The following TLE4 variants were observed in gnomAD, a reference collection of about 807,000 sequenced individuals.
TLE4 encodes TLE family member 4, transcriptional corepressor.
Under a neutral mutation model 92.8 loss-of-function variants are expected in TLE4, and 8 were observed. The observed-to-expected ratio is 0.09, with a 90% CI of 0.05 to 0.16. TLE4 has a LOEUF of 0.16. Among genes scored for constraint, TLE4 ranks in the 10% least tolerant of loss-of-function variants. The probability of loss-of-function intolerance (pLI) is 1.00; values close to 1 mark genes in which losing one functional copy is unlikely to be tolerated. For synonymous variants in TLE4, 371 were observed against 374.1 expected (o/e 0.99, Z 0.10); for missense variants, 675 against 997.6 (o/e 0.68, Z 4.36).
Position 79,572,744 on chromosome 9 carries a change from A to C in TLE4, c.-47A>C. On this transcript the variant is annotated 5_prime_UTR_variant, in exon 1 of 20. Coordinates refer to ENST00000376552, the MANE Select transcript of TLE4 (RefSeq NM_007005.6). ...CCTCCTCTTCGGGGTCATTAAAGCC[A>C]ATGAGCCGCGCGCCTCTGCCGAGCG... The C allele has an allele frequency of 6.3e-7, 1 of 1,586,422 alleles. No individual in the cohort carries two copies. The highest frequency in any genetic ancestry group is 8.6e-7 in the Non-Finnish European group (1 of 1,167,100).
intron 4 of TLE4, among the ~76,000 whole-genome samples, chr9:79,607,554 G>A (rs542126265): frequency 6.6e-6 from 1 of 152,128 alleles, no homozygotes; most frequent in African/African-American, 2.4e-5. Flanking sequence ...TTTATGTAAG[G>A]TGTAAGGAAG....
chr9:79,576,502 A>G (rs1395958742), intron 4 of TLE4: 1 of 182,952 alleles, frequency 5.5e-6, no homozygotes, highest in Non-Finnish European at 1.1e-5. Context: ...GGCATTGCAA[A>G]CTTGTCTTGT....
chr9:79,573,695 C>A lies in TLE4; in HGVS notation c.52C>A (p.His18Asn). ...TTTTATTGTTGTTCTTCAGGCACCGCATCAGCCTGCTCAACCCTTTAAATT... is the reference window on the plus strand; with the variant it reads ...TTTTATTGTTGTTCTTCAGGCACCGAATCAGCCTGCTCAACCCTTTAAATT... Reference protein sequence around the residue: ...MYPQTRHPAPHQPAQPFKFTI... With the variant: ...MYPQTRHPAPNQPAQPFKFTI... The change falls in exon 2 of 20, where the codon CAT becomes AAT. Residue 18 changes from histidine (H) to asparagine (N), a missense_variant. Coordinates refer to ENST00000376552, the MANE Select transcript of TLE4 (RefSeq NM_007005.6). 6.2e-7 allele frequency: 1 copy of A among 1,600,870 alleles called. No homozygotes were observed.
At chr9:79,671,244 A>G (rs1475233162) in intron 8 of TLE4, 1 of 456,476 alleles carries the variant, frequency 2.2e-6, no homozygotes, top group Admixed American at 2.3e-5. Context: ...ATGAAATTGG[A>G]GACCAAAGAG....
At chr9:79,617,622 G>T (rs184033012) in intron 5 of TLE4, among the ~76,000 whole-genome samples, 44 of 152,310 alleles carry the variant, frequency 2.9e-4, no homozygotes, top group African/African-American at 9.9e-4. Context: ...CTGGAGGTCA[G>T]CCAGACCCAG....
intron 4 of TLE4, chr9:79,601,324 G>A: frequency 4.4e-6 from 2 of 450,468 alleles, no homozygotes; most frequent in South Asian, 3.1e-5. Flanking sequence ...CAAGTTTTCT[G>A]GATAGATATT....
intron 19 of TLE4, among the ~76,000 whole-genome samples, 188 bp from the exon 20 acceptor site, chr9:79,724,849 T>TAAAAAAA (rs947971071): frequency 0.014 from 355 of 25,938 alleles, 130 homozygotes; most frequent in East Asian, 0.022. Context: ...CCTGTCTTAT[T>TAAAAAAA]AAAAAAAAAA....
intron 4 of TLE4, among the ~76,000 whole-genome samples, chr9:79,598,075 G>GAA (rs748860967): frequency 9.3e-4 from 61 of 65,746 alleles, no homozygotes; most frequent in African/African-American, 2.4e-3. Context: ...TACTGAAAAA[G>GAA]AAAAAAAAAA....
intron 8 of TLE4, among the ~76,000 whole-genome samples, chr9:79,670,120 G>A (rs996941545): frequency 6.6e-6 from 1 of 151,804 alleles, no homozygotes; most frequent in Non-Finnish European, 1.5e-5. Flanking sequence ...TAGGGAAATC[G>A]TGCAAGTAGA....
chr9:79,616,117 C>A (rs543455709), intron 5 of TLE4, among the ~76,000 whole-genome samples: 1 of 152,248 alleles, frequency 6.6e-6, no homozygotes, highest in South Asian at 2.1e-4. Flanking sequence ...TCTTTTCTTT[C>A]CCTATTTCGG....
Position 79,720,089 on chromosome 9 carries a change from G to A in TLE4, c.1634G>A (p.Gly545Asp), listed in dbSNP as rs1437352011. ...CGTTCCTGCAGATTGCTCCCTGATG[G>A]TCGCACCCTAATTGTTGGAGGGGAA... Reference protein sequence around the residue: ...YIRSCRLLPDGRTLIVGGEAS... With the variant: ...YIRSCRLLPDDRTLIVGGEAS... Residue 545 changes from glycine to aspartate, a missense_variant, in exon 16 of 20, where the codon GGT becomes GAT. Coordinates refer to ENST00000376552, the MANE Select transcript of TLE4 (RefSeq NM_007005.6). 4 of 1,613,820 alleles carry A rather than the reference G, an allele frequency of 2.5e-6. No individual in the cohort carries two copies. Among genetic ancestry groups the A allele is most frequent in the Non-Finnish European group, 2.5e-6 (3 of 1,179,874 alleles).
Position 79,594,985 on chromosome 9 carries a change from G to A in TLE4, c.253-17671G>A, listed in dbSNP as rs533995042. ...AAGAAAATACTATTTATAGTTTGTG[G>A]TTCTTTATTTTTGTTTGCTGCAGCT... On this transcript the variant is annotated intron_variant, in intron 4 of 19. Transcript: ENST00000376552. Among the ~76,000 whole-genome samples the A allele has an allele frequency of 7.8e-4, 119 of 152,242 alleles. 1 individual carries two copies. The highest frequency in any genetic ancestry group is 3.4e-3 in the Middle Eastern group (1 of 294).
chr9:79,668,731 A>G (rs1276195262), intron 8 of TLE4: 1 of 622,278 alleles, frequency 1.6e-6, no homozygotes, highest in Non-Finnish European at 1.8e-6. Flanking sequence ...AGTATATGCT[A>G]AAATAGTATA....
intron 8 of TLE4, among the ~76,000 whole-genome samples, chr9:79,700,892 CTT>C (rs2069642694): frequency 6.6e-6 from 1 of 152,108 alleles, no homozygotes. Flanking sequence ...GTGAGAAAGA[CTT>C]GTGTTTAATC....
intron 8 of TLE4, among the ~76,000 whole-genome samples, chr9:79,693,160 A>G (rs546429114): frequency 5.9e-5 from 9 of 152,202 alleles, no homozygotes; most frequent in Non-Finnish European, 1.0e-4. Context: ...TAGCTATTCA[A>G]CTTATGTCAC....
At chr9:79,592,112 T>A (rs1170834947) in intron 4 of TLE4, among the ~76,000 whole-genome samples, 3 of 137,022 alleles carry the variant, frequency 2.2e-5, no homozygotes, top group Non-Finnish European at 5.0e-5. Flanking sequence ...TTCTTCTTCT[T>A]TCTTCTTTCT....
intron 8 of TLE4, among the ~76,000 whole-genome samples, chr9:79,686,110 T>C (rs1445345324): frequency 1.3e-5 from 2 of 152,200 alleles, no homozygotes; most frequent in Non-Finnish European, 2.9e-5. Context: ...ATTTAAAATA[T>C]ACAGGAGGAT....
At chr9:79,691,592 T>C (rs2067096707) in intron 8 of TLE4, among the ~76,000 whole-genome samples, 4 of 152,070 alleles carry the variant, frequency 2.6e-5, no homozygotes, top group Admixed American at 2.6e-4. Context: ...CCCTCTGTGC[T>C]CTCCCACCTG....
At chr9:79,594,002 A>G (rs1411675974) in intron 4 of TLE4, among the ~76,000 whole-genome samples, 1 of 152,170 alleles carries the variant, frequency 6.6e-6, no homozygotes, top group African/African-American at 2.4e-5. Flanking sequence ...TCAGTTCCTC[A>G]TCCATAAAAC....
Sources: gnomAD v4.1 joint callset for allele counts (sites outside exome capture counted in the v4.1 genomes callset) on GRCh38, gnomAD v4.1.1 for gene constraint, MANE v1.5 for transcripts, NCBI Gene and HGNC (gene_info 2026-07-23, HGNC 2026-07-21) for gene names.